Variants in PITPNC1 observed in about 807,000 individuals in gnomAD.
PITPNC1 encodes phosphatidylinositol transfer protein cytoplasmic 1.
PITPNC1 carries 18 observed loss-of-function variants against 44.7 expected under a neutral mutation model. The observed-to-expected ratio is 0.40, with a 90% CI of 0.28 to 0.60. The LOEUF (loss-of-function observed/expected upper bound fraction) is 0.60. PITPNC1 is among the 20% of genes least tolerant of loss of function. PITPNC1 has a pLI of 0.39. For synonymous variants in PITPNC1, 141 were observed against 149.6 expected (o/e 0.94, Z 0.42); for missense variants, 290 against 418.4 (o/e 0.69, Z 2.68).
chr17:67,669,077 T>C (rs1263726820), intron 6 of PITPNC1, among the ~76,000 whole-genome samples: 2 of 152,102 alleles, frequency 1.3e-5, no homozygotes, highest in Admixed American at 1.3e-4. Context: ...TCAATCCATG[T>C]CAACTACTAA....
At chr17:67,608,153 G>A (rs1447031563) in intron 5 of PITPNC1, among the ~76,000 whole-genome samples, 1 of 150,952 alleles carries the variant, frequency 6.6e-6, no homozygotes, top group African/African-American at 2.4e-5. Flanking sequence ...CTGATAGAGA[G>A]GCATATTTAC....
chr17:67,511,515 C>T (rs2916141), intron 1 of PITPNC1, among the ~76,000 whole-genome samples: 18,468 of 151,894 alleles, frequency 0.12, 1,556 homozygotes, highest in African/African-American at 0.25. Flanking sequence ...GCTAGCTGTT[C>T]TTTTTCTTTT....
intron 4 of PITPNC1, among the ~76,000 whole-genome samples, chr17:67,570,025 G>A (rs552215546): frequency 2.0e-5 from 3 of 152,254 alleles, no homozygotes; most frequent in South Asian, 4.2e-4. Context: ...AGGGACAGGC[G>A]TGCTTTTTTG....
intron 4 of PITPNC1, among the ~76,000 whole-genome samples, chr17:67,554,083 G>T (rs755630773): frequency 6.6e-6 from 1 of 152,022 alleles, no homozygotes; most frequent in Non-Finnish European, 1.5e-5. Context: ...TTGGGCAGTC[G>T]CTGTGGCTTG....
At chr17:67,688,990 G>A (rs1049370722) in intron 8 of PITPNC1, among the ~76,000 whole-genome samples, 8 of 152,310 alleles carry the variant, frequency 5.3e-5, no homozygotes, top group Middle Eastern at 3.4e-3. Context: ...ATCACCTGAG[G>A]TCGGGAGTTC....
chr17:67,554,058 C>T (rs2040802257), intron 4 of PITPNC1, among the ~76,000 whole-genome samples: 1 of 152,046 alleles, frequency 6.6e-6, no homozygotes, highest in Non-Finnish European at 1.5e-5. Flanking sequence ...CTATTTTGCA[C>T]AACAGAGATC....
At chr17:67,652,985 A>C (rs2042225861) in intron 6 of PITPNC1, among the ~76,000 whole-genome samples, 1 of 152,180 alleles carries the variant, frequency 6.6e-6, no homozygotes, top group Non-Finnish European at 1.5e-5. Context: ...GTCCTTATAA[A>C]AAGGAGAAAT....
intron 7 of PITPNC1, among the ~76,000 whole-genome samples, chr17:67,673,149 C>T (rs1429629239): frequency 6.6e-6 from 1 of 152,130 alleles, no homozygotes; most frequent in Non-Finnish European, 1.5e-5. Flanking sequence ...ATCCAGAGGC[C>T]TGGAGTCATA....
intron 1 of PITPNC1, among the ~76,000 whole-genome samples, chr17:67,500,808 C>G (rs537605745): frequency 2.4e-4 from 37 of 151,794 alleles, no homozygotes; most frequent in Non-Finnish European, 4.3e-4. Flanking sequence ...CTCAGCCTCC[C>G]GAGTAGCTGG....
intron 5 of PITPNC1, among the ~76,000 whole-genome samples, chr17:67,603,494 G>A (rs1396853513): frequency 2.0e-5 from 3 of 152,146 alleles, no homozygotes; most frequent in African/African-American, 7.2e-5. Flanking sequence ...AACTGACACT[G>A]AGGCTTAGTG....
intron 1 of PITPNC1, among the ~76,000 whole-genome samples, chr17:67,451,330 C>T (rs2039172350): frequency 6.6e-6 from 1 of 152,130 alleles, no homozygotes; most frequent in Non-Finnish European, 1.5e-5. Flanking sequence ...CCGTGCCTGG[C>T]TAAAAATTCT....
chr17:67,410,784 A>G (rs2038483458), intron 1 of PITPNC1, among the ~76,000 whole-genome samples: 1 of 151,986 alleles, frequency 6.6e-6, no homozygotes. Flanking sequence ...GGTGTGGAGC[A>G]AGTATAATAG....
chr17:67,653,540 TTTG>T (rs147859807), intron 6 of PITPNC1, among the ~76,000 whole-genome samples: 4 of 152,064 alleles, frequency 2.6e-5, no homozygotes, highest in Non-Finnish European at 5.9e-5. Flanking sequence ...TGATTATCTT[TTTG>T]TTGTTGTTGT....
At chr17:67,551,105 A>T (rs972431370) in intron 2 of PITPNC1, among the ~76,000 whole-genome samples, 9 of 152,138 alleles carry the variant, frequency 5.9e-5, no homozygotes, top group Non-Finnish European at 1.3e-4. Flanking sequence ...AATCATGCAG[A>T]TGTATCTTAA....
chr17:67,680,776 G>T (rs1476923277), intron 8 of PITPNC1, among the ~76,000 whole-genome samples: 1 of 152,114 alleles, frequency 6.6e-6, no homozygotes, highest in Non-Finnish European at 1.5e-5. Context: ...ATTGTAAAGG[G>T]TTTAAAAAAT....
Position 67,606,498 on chromosome 17 carries a change from G to A in PITPNC1, c.367-25645G>A, listed in dbSNP as rs117202450. Among the ~76,000 whole-genome samples the A allele has an allele frequency of 1.6e-3, 249 of 152,312 alleles. 2 individuals carry two copies. Among genetic ancestry groups the A allele is most frequent in the East Asian group, 4.6e-3 (24 of 5,190 alleles). On this transcript the variant is annotated intron_variant, in intron 5 of 8. Transcript: ENST00000581322. ...GAGCACGTTTAAATTCGGCTAAGTC[G>A]GAGACGTTTGCAGATGCAGGCCTGA...
intron 1 of PITPNC1, among the ~76,000 whole-genome samples, chr17:67,494,163 CTTTCTTTCTTTCTTTCTTTCTT>C (rs888632772): frequency 6.0e-5 from 3 of 50,146 alleles, no homozygotes; most frequent in South Asian, 9.0e-4. Flanking sequence ...TGTGTAACCT[CTTTCTTTCTTTCTTTCTTTCTT>C]TTTCTTTCTT....
intron 8 of PITPNC1, among the ~76,000 whole-genome samples, chr17:67,683,162 CA>C (rs901577194): frequency 0.038 from 1,592 of 41,504 alleles, 22 homozygotes; most frequent in East Asian, 0.27. Context: ...AACTGAGTCT[CA>C]AAAAAAAAAA....
chr17:67,554,513 T>C (rs1306477835), intron 4 of PITPNC1, among the ~76,000 whole-genome samples: 1 of 152,102 alleles, frequency 6.6e-6, no homozygotes, highest in African/African-American at 2.4e-5. Context: ...CCACCTTGGC[T>C]TCCCAAAGTG....
Sources: gnomAD v4.1 joint callset for allele counts (sites outside exome capture counted in the v4.1 genomes callset) on GRCh38, gnomAD v4.1.1 for gene constraint, MANE v1.5 for transcripts, NCBI Gene and HGNC (gene_info 2026-07-23, HGNC 2026-07-21) for gene names.